The following PDE1A variants were observed in gnomAD, a reference collection of about 807,000 sequenced individuals.
PDE1A encodes dual specificity calcium/calmodulin-dependent 3',5'-cyclic nucleotide phosphodiesterase 1A.
PDE1A carries 35 observed loss-of-function variants against 61.7 expected under a neutral mutation model. That is an observed-to-expected ratio of 0.57 (90% CI 0.43 to 0.75). The LOEUF is 0.75. PDE1A is among the 30% of genes least tolerant of loss of function. The pLI is 0.00. For missense variants in PDE1A, 597 were observed against 630.6 expected (o/e 0.95, Z 0.57); for synonymous variants, 232 against 213.2 (o/e 1.09, Z -0.77).
At chr2:182,389,414 A>AATTTT (rs1462533814) in intron 1 of PDE1A, among the ~76,000 whole-genome samples, 36 of 152,348 alleles carry the variant, frequency 2.4e-4, no homozygotes, top group African/African-American at 8.7e-4. Flanking sequence ...GCAAGAATAC[A>AATTTT]AATAACCCAA....
the PDE1A span, among the ~76,000 whole-genome samples, chr2:182,591,687 A>G: frequency 6.6e-6 from 1 of 152,206 alleles, no homozygotes; most frequent in African/African-American, 2.4e-5. Context: ...AAGCTGTGAC[A>G]TCCAAAAATG....
intron 2 of PDE1A, among the ~76,000 whole-genome samples, chr2:182,469,746 AAACATGC>A (rs1686906350): frequency 6.6e-6 from 1 of 151,946 alleles, no homozygotes; most frequent in African/African-American, 2.4e-5. Flanking sequence ...TTAAAGTGAG[AAACATGC>A]AACTCTTTCT....
intron 2 of PDE1A, among the ~76,000 whole-genome samples, chr2:182,460,320 TC>T (rs1352043509): frequency 1.5e-4 from 23 of 152,176 alleles, no homozygotes; most frequent in Admixed American, 1.0e-3. Context: ...AAGCCTCACT[TC>T]CCCAGTGTTA....
At position 182,295,057 on chromosome 2, in the gene PDE1A, C is replaced by CTTTTT. The variant is rs11420821; in HGVS notation, c.54-30648_54-30644dup. Among the ~76,000 whole-genome samples the CTTTTT allele has an allele frequency of 2.8e-3, 168 of 59,364 alleles. 28 individuals are homozygous for CTTTTT. The highest frequency in any genetic ancestry group is 5.6e-3 in the African/African-American group (87 of 15,484). 38.9% of individuals were successfully genotyped at this position (59,364 alleles called of 152,430 possible). On this transcript the variant is annotated intron_variant, in intron 1 of 13. Coordinates refer to ENST00000351439, the Ensembl canonical transcript of PDE1A. ...ACGACCAATCAAAATAAAAGGTAAT[C>CTTTTT]TTTTTTTTTTTTTTTTTTTTTTTTT...
chr2:182,662,860 C>T, the PDE1A span, among the ~76,000 whole-genome samples: 2 of 152,222 alleles, frequency 1.3e-5, no homozygotes, highest in South Asian at 2.1e-4. Flanking sequence ...AGTTTCTGCA[C>T]AGCAAAATAA....
rs376698016 is a variant in PDE1A, at chr2:182,212,319, CAT to C, written c.777-6256_777-6255del. On this transcript the variant is annotated intron_variant, in intron 7 of 13. Transcript: ENST00000351439. ...GGAATGGCTAACTCAGGCTAATTAACATATGTGTTACTTCACAATTTACCATT... is the reference window on the plus strand; with the variant it reads ...GGAATGGCTAACTCAGGCTAATTAACATGTGTTACTTCACAATTTACCATT... Among the ~76,000 whole-genome samples, 250 of 152,006 alleles carry C rather than the reference CAT, an allele frequency of 1.6e-3. 2 individuals carry two copies. The highest frequency in any genetic ancestry group is 0.01 in the Middle Eastern group (3 of 290).
intron 7 of PDE1A, among the ~76,000 whole-genome samples, chr2:182,207,973 T>C (rs1435976916): frequency 1.3e-5 from 2 of 152,182 alleles, no homozygotes; most frequent in Non-Finnish European, 2.9e-5. Flanking sequence ...ATGCAGACAG[T>C]AGTAATTGAG....
At chr2:182,145,624 G>A (rs964074936), downstream of PDE1A, among the ~76,000 whole-genome samples, 6 of 152,082 alleles carry the variant, frequency 3.9e-5, no homozygotes, top group Admixed American at 1.3e-4. Flanking sequence ...AGCTACTTGC[G>A]GGGCTGAGGC....
At chr2:182,672,187 A>G in the PDE1A span, among the ~76,000 whole-genome samples, 3 of 152,224 alleles carry the variant, frequency 2.0e-5, no homozygotes, top group Non-Finnish European at 4.4e-5. Context: ...TAAACACTTG[A>G]ATAGTTATAT....
At chr2:182,431,825 T>C (rs1002784381), upstream of PDE1A, among the ~76,000 whole-genome samples, 4 of 152,076 alleles carry the variant, frequency 2.6e-5, no homozygotes, top group African/African-American at 9.7e-5. Context: ...AACATTCTAT[T>C]GGGAAAAAGA....
chr2:182,422,597 T>C (rs1338989446), intron 1 of PDE1A, among the ~76,000 whole-genome samples: 1 of 152,230 alleles, frequency 6.6e-6, no homozygotes, highest in Non-Finnish European at 1.5e-5. Context: ...AAGATGAGTA[T>C]GCAATAAGGT....
the PDE1A span, among the ~76,000 whole-genome samples, chr2:182,688,234 A>G: frequency 6.6e-6 from 1 of 152,188 alleles, no homozygotes; most frequent in Admixed American, 6.5e-5. Flanking sequence ...TGTCAGATTC[A>G]CCAAAGTTGA....
downstream of PDE1A, among the ~76,000 whole-genome samples, chr2:182,165,386 T>C (rs1285160541): frequency 6.6e-6 from 1 of 152,158 alleles, no homozygotes; most frequent in African/African-American, 2.4e-5. Context: ...GGGTTCCTCA[T>C]GATTCTTGAG....
chr2:182,355,959 A>G (rs139700980), intron 1 of PDE1A, among the ~76,000 whole-genome samples: 80 of 152,318 alleles, frequency 5.3e-4, no homozygotes, highest in African/African-American at 1.9e-3. Flanking sequence ...AGTTGTTTAT[A>G]TTCTAGAATA....
the PDE1A span, among the ~76,000 whole-genome samples, chr2:182,538,092 G>T: frequency 1.3e-5 from 2 of 152,072 alleles, no homozygotes; most frequent in Non-Finnish European, 2.9e-5. Flanking sequence ...ACTCTTTCCG[G>T]AGTTAGGTCT....
chr2:182,412,540 G>C (rs141690506), intron 1 of PDE1A, among the ~76,000 whole-genome samples: 3 of 152,182 alleles, frequency 2.0e-5, no homozygotes, highest in Non-Finnish European at 2.9e-5. Context: ...CTGGCATGTA[G>C]TGGATGCTCA....
intron 13 of PDE1A, among the ~76,000 whole-genome samples, chr2:182,159,363 T>G (rs1691256209): frequency 6.6e-6 from 1 of 152,204 alleles, no homozygotes; most frequent in African/African-American, 2.4e-5. Context: ...ATTCCATTGC[T>G]TGATTTACTC....
At chr2:182,630,416 C>T in the PDE1A span, among the ~76,000 whole-genome samples, 2 of 152,114 alleles carry the variant, frequency 1.3e-5, no homozygotes, top group Admixed American at 6.5e-5. Context: ...AATTCTCATC[C>T]ATACCAGGAT....
At chr2:182,693,055 A>C in the PDE1A span, among the ~76,000 whole-genome samples, 3 of 152,072 alleles carry the variant, frequency 2.0e-5, no homozygotes, top group Non-Finnish European at 4.4e-5. Context: ...ATGCAACTGC[A>C]CTCCAGCCTG....
Sources: gnomAD v4.1 joint callset for allele counts (sites outside exome capture counted in the v4.1 genomes callset) on GRCh38, gnomAD v4.1.1 for gene constraint, MANE v1.5 for transcripts, NCBI Gene and HGNC (gene_info 2026-07-23, HGNC 2026-07-21) for gene names.